DPYD: variants seen among roughly 807,000 people sequenced by gnomAD.
The protein encoded by DPYD is dihydropyrimidine dehydrogenase [NADP(+)].
Under a neutral mutation model 116.2 loss-of-function variants are expected in DPYD, and 109 were observed. The ratio of observed to expected loss-of-function variants is 0.94; its 90% CI spans 0.80 to 1.10. The LOEUF (loss-of-function observed/expected upper bound fraction) is 1.10, where lower values mean the gene tolerates loss of function less well. Among genes scored for constraint, DPYD ranks in the 50% least tolerant of loss-of-function variants. The pLI, the probability that DPYD is intolerant of heterozygous loss-of-function variation, is 0.00. For synonymous variants in DPYD, 440 were observed against 432.0 expected (o/e 1.02, Z -0.23); for missense variants, 1,302 against 1,254.5 (o/e 1.04, Z -0.57).
At chr1:97,449,723 A>G (rs1249280123) in intron 14 of DPYD, among the ~76,000 whole-genome samples, 3 of 152,138 alleles carry the variant, frequency 2.0e-5, no homozygotes, top group Admixed American at 2.0e-4. Flanking sequence ...ATAGTTTACA[A>G]TTTCTTCCTA....
intron 3 of DPYD, among the ~76,000 whole-genome samples, chr1:97,780,679 A>G (rs1666691987): frequency 6.6e-6 from 1 of 152,206 alleles, no homozygotes; most frequent in East Asian, 1.9e-4. Flanking sequence ...AGTACTCTAC[A>G]AAACCTCATT....
At chr1:97,117,789 A>G (rs1652096719) in intron 20 of DPYD, among the ~76,000 whole-genome samples, 3 of 152,304 alleles carry the variant, frequency 2.0e-5, no homozygotes, top group African/African-American at 7.2e-5. Context: ...TTGAAATAAC[A>G]TAGAAACTCT....
At chr1:97,791,597 G>A (rs991966425) in intron 3 of DPYD, among the ~76,000 whole-genome samples, 1 of 152,110 alleles carries the variant, frequency 6.6e-6, no homozygotes, top group Non-Finnish European at 1.5e-5. Context: ...TAAATGTGAT[G>A]GTCTGGTTGT....
chr1:97,693,951 G>T (rs995287850), intron 6 of DPYD, among the ~76,000 whole-genome samples: 2 of 152,124 alleles, frequency 1.3e-5, no homozygotes, highest in African/African-American at 4.8e-5. Flanking sequence ...TTTTCTGTTG[G>T]TCAGAAAAAA....
At chr1:97,494,228 T>G (rs1303816430) in intron 13 of DPYD, among the ~76,000 whole-genome samples, 1 of 152,208 alleles carries the variant, frequency 6.6e-6, no homozygotes, top group African/African-American at 2.4e-5. Context: ...AGATAAGGTC[T>G]TGCTGTTGCC....
At chr1:97,566,921 C>G (rs748119729) in intron 11 of DPYD, among the ~76,000 whole-genome samples, 1 of 152,110 alleles carries the variant, frequency 6.6e-6, no homozygotes, top group Non-Finnish European at 1.5e-5. Context: ...AGGAGTAAAT[C>G]AAATCAAACA....
intron 2 of DPYD, among the ~76,000 whole-genome samples, chr1:97,859,428 G>C (rs1161183116): frequency 1.3e-5 from 2 of 152,132 alleles, no homozygotes; most frequent in African/African-American, 4.8e-5. Context: ...GGCTGTACAG[G>C]GGATCAAGGC....
chr1:97,530,452 C>T (rs935542600), intron 12 of DPYD, among the ~76,000 whole-genome samples: 2 of 151,916 alleles, frequency 1.3e-5, no homozygotes, highest in South Asian at 2.1e-4. Context: ...CTCCTGACCT[C>T]GTGATCCGCC....
At chr1:97,518,726 A>G (rs35491393) in intron 12 of DPYD, among the ~76,000 whole-genome samples, 1 of 152,168 alleles carries the variant, frequency 6.6e-6, no homozygotes, top group African/African-American at 2.4e-5. Flanking sequence ...AATAACAGAT[A>G]TAAGGAAACA....
At chr1:97,892,891 T>C (rs1461499400) in intron 1 of DPYD, among the ~76,000 whole-genome samples, 3 of 151,826 alleles carry the variant, frequency 2.0e-5, no homozygotes, top group African/African-American at 7.2e-5. Context: ...TGAGATTAAA[T>C]TTGGGTTTCT....
intron 2 of DPYD, among the ~76,000 whole-genome samples, chr1:97,841,229 T>C (rs1670021726): frequency 6.6e-6 from 1 of 152,076 alleles, no homozygotes; most frequent in African/African-American, 2.4e-5. Flanking sequence ...ATAATTTACA[T>C]GTGATGAAAA....
intron 21 of DPYD, among the ~76,000 whole-genome samples, chr1:97,094,512 T>C (rs1372068517): frequency 4.6e-5 from 7 of 152,016 alleles, no homozygotes; most frequent in Non-Finnish European, 8.8e-5. Context: ...ATAGGATGAG[T>C]AATAAGATGA....
Position 97,562,073 on chromosome 1 carries a change from T to C in DPYD, c.1339+11687A>G, listed in dbSNP as rs534909349. ...TCATTTTTGTGAACTTTAGAGAACCTAAAAGAATCTTGTATAATTAATACA... is the reference window on the plus strand; with the variant it reads ...TCATTTTTGTGAACTTTAGAGAACCCAAAAGAATCTTGTATAATTAATACA... On this transcript the variant is annotated intron_variant, in intron 11 of 22. Transcript: ENST00000370192. 4.6e-5 allele frequency among the ~76,000 whole-genome samples: 7 copies of C among 152,316 alleles called. 1 individual carries two copies. Among genetic ancestry groups the C allele is most frequent in the African/African-American group, 1.7e-4 (7 of 41,568 alleles).
At chr1:97,310,259 T>C (rs1251604767) in intron 16 of DPYD, among the ~76,000 whole-genome samples, 1 of 151,778 alleles carries the variant, frequency 6.6e-6, no homozygotes, top group Non-Finnish European at 1.5e-5. Flanking sequence ...GAATTTTCAT[T>C]ACATCCATGT....
chr1:97,266,745 G>A (rs1304135769), intron 18 of DPYD, among the ~76,000 whole-genome samples: 3 of 151,942 alleles, frequency 2.0e-5, no homozygotes, highest in African/African-American at 7.3e-5. Context: ...TGTTCTCATC[G>A]TTCAATTCCT....
intron 18 of DPYD, among the ~76,000 whole-genome samples, chr1:97,238,987 G>C (rs912374380): frequency 6.6e-6 from 1 of 152,094 alleles, no homozygotes; most frequent in Non-Finnish European, 1.5e-5. Flanking sequence ...CTGCAGGTTC[G>C]AACAAACAAA....
At chr1:97,629,166 G>A (rs769447558) in intron 8 of DPYD, among the ~76,000 whole-genome samples, 3 of 151,532 alleles carry the variant, frequency 2.0e-5, no homozygotes, top group East Asian at 1.9e-4. Context: ...AAATCCTATC[G>A]GTCTCACTTC....
chr1:97,398,296 ATAGTATTGC>A (rs1315942470), intron 14 of DPYD, among the ~76,000 whole-genome samples: 1 of 152,128 alleles, frequency 6.6e-6, no homozygotes, highest in Non-Finnish European at 1.5e-5. Flanking sequence ...TTATGGCTGC[ATAGTATTGC>A]ATGGTGTATA....
At chr1:97,917,245 C>A (rs1674262313) in intron 1 of DPYD, among the ~76,000 whole-genome samples, 1 of 152,134 alleles carries the variant, frequency 6.6e-6, no homozygotes, top group African/African-American at 2.4e-5. Context: ...CAACTCATGG[C>A]TTTGTATAAA....
Sources: allele counts gnomAD v4.1 joint callset (sites outside exome capture counted in the v4.1 genomes callset), GRCh38; gene constraint gnomAD v4.1.1; transcripts MANE v1.5; gene names NCBI Gene and HGNC (gene_info 2026-07-23, HGNC 2026-07-21).